SPATA18: variants seen among roughly 807,000 people sequenced by gnomAD.
The protein encoded by SPATA18 is mitochondria-eating protein.
A neutral mutation model predicts 68.1 loss-of-function variants in SPATA18; 54 were observed. The observed-to-expected ratio is 0.79, with a 90% confidence interval of 0.64 to 0.99. The LOEUF (loss-of-function observed/expected upper bound fraction) is 0.99. Ranked by LOEUF, SPATA18 falls within the 50% of genes least tolerant of loss-of-function variation. The probability of loss-of-function intolerance (pLI) is 0.00; values close to 1 mark genes in which losing one functional copy is unlikely to be tolerated. For synonymous variants in SPATA18, 242 were observed against 244.8 expected (o/e 0.99, Z 0.11); for missense variants, 724 against 681.1 (o/e 1.06, Z -0.70).
chr4:52,058,028 G>T (rs1472387775), intron 1 of SPATA18, among the ~76,000 whole-genome samples: 1 of 152,238 alleles, frequency 6.6e-6, no homozygotes, highest in African/African-American at 2.4e-5. Flanking sequence ...GATCTAGCCA[G>T]AGGGCAAAAG....
At position 52,094,591 on chromosome 4, in the gene SPATA18, G is replaced by T; in HGVS notation, c.1609+19G>T. The T allele has an allele frequency of 1.2e-6, 2 of 1,612,948 alleles. No homozygotes were observed. Among genetic ancestry groups the T allele is most frequent in the Non-Finnish European group, 1.7e-6 (2 of 1,179,152 alleles). On this transcript the variant is annotated intron_variant, in intron 12 of 12. Coordinates refer to ENST00000295213, the MANE Select transcript of SPATA18 (RefSeq NM_145263.4). Reference sequence around the variant, plus strand: ...TTGCCAAGTAAGTGGGATTAGTTCAGATGGATCAAATTTTCTGCTTTTTAA... The same window carrying T: ...TTGCCAAGTAAGTGGGATTAGTTCATATGGATCAAATTTTCTGCTTTTTAA...
intron 5 of SPATA18, among the ~76,000 whole-genome samples, chr4:52,070,220 A>G (rs1408201863): frequency 6.6e-6 from 1 of 152,054 alleles, no homozygotes; most frequent in Non-Finnish European, 1.5e-5. Flanking sequence ...ACAGAATAAA[A>G]TGTATAAGTA....
In SPATA18 at chr4:52,058,094, G is replaced by A. The variant is rs533680847; in HGVS notation, c.88-2325G>A. Among the ~76,000 whole-genome samples the A allele has an allele frequency of 4.6e-5, 7 of 152,310 alleles. No individual in the cohort carries two copies. The South Asian group carries it at 8.3e-4, about 18-fold the overall frequency. ...AATAAGTGCAGGTATAAAATGGCCA[G>A]GGCAAGGAGCTGCTGAATTAACGAG... On this transcript the variant is annotated intron_variant, in intron 1 of 12. Coordinates refer to ENST00000295213, the MANE Select transcript of SPATA18 (RefSeq NM_145263.4).
intron 11 of SPATA18, among the ~76,000 whole-genome samples, chr4:52,085,872 A>G (rs1321298888): frequency 4.6e-5 from 7 of 152,096 alleles, no homozygotes; most frequent in Admixed American, 4.6e-4. Flanking sequence ...ATTGTACCAC[A>G]CTGCACTCTA....
rs984062052 is a variant in SPATA18, at chr4:52,095,713, C to T, written c.*826C>T. ...ATATATAAAAGTTTCTTGGGACATG[C>T]TCTTCACCTGTTCTACCTAGTTATT... On this transcript the variant is annotated 3_prime_UTR_variant, in exon 13 of 13. Transcript: ENST00000295213. 3.3e-5 allele frequency: 5 copies of T among 152,150 alleles called. No homozygotes were observed. The highest frequency in any genetic ancestry group is 3.3e-4 in the Admixed American group (5 of 15,278). 9.4% of individuals were successfully genotyped at this position (152,150 alleles called of 1,614,324 possible). A position where few individuals can be genotyped will look rare whatever the true frequency, so the allele number is the denominator to read the frequency against.
intron 6 of SPATA18, 76 bp downstream of exon 6, chr4:52,072,232 T>G: frequency 6.5e-7 from 1 of 1,544,580 alleles, no homozygotes; most frequent in Non-Finnish European, 8.7e-7. Flanking sequence ...AGGAAATAAG[T>G]AAAATGATAA....
At chr4:52,082,893 G>A in intron 10 of SPATA18, 2 of 985,312 alleles carry the variant, frequency 2.0e-6, no homozygotes, top group South Asian at 9.4e-5. Context: ...AATTTTTACT[G>A]ACGATTTTCT....
intron 1 of SPATA18, among the ~76,000 whole-genome samples, chr4:52,054,920 A>G (rs1738209090): frequency 6.6e-6 from 1 of 151,844 alleles, no homozygotes; most frequent in South Asian, 2.1e-4. Flanking sequence ...CTTTATGTGT[A>G]GGGGTATGTG....
At chr4:52,076,755 T>A (rs771847824) in intron 6 of SPATA18, 24 bp from the exon 7 acceptor site, 1 of 1,607,980 alleles carries the variant, frequency 6.2e-7, no homozygotes, top group South Asian at 1.1e-5. Context: ...AGGATTTCCC[T>A]GGCTGATTCT....
Position 52,051,856 on chromosome 4 carries a change from G to T in SPATA18, c.87+65G>T, listed in dbSNP as rs1343625444. 3 of 1,464,720 alleles carry T rather than the reference G, an allele frequency of 2.0e-6. No individual in the cohort carries two copies. In the Admixed American group the frequency reaches 5.1e-5, roughly 25 times the overall value. The allele number at this position is 1,464,720 out of a possible 1,614,324, so 90.7% of individuals were successfully genotyped here. ...TAGGTTCCAGCACAGCCCTTGTCGG[G>T]GATTTCTTAGGGCTGGAGTTGGTGG... On this transcript the variant is annotated intron_variant, in intron 1 of 12. Coordinates refer to ENST00000295213, the MANE Select transcript of SPATA18 (RefSeq NM_145263.4).
chr4:52,054,266 TTCAGGGCATTTGCACTCAC>T (rs1472117817), intron 1 of SPATA18, among the ~76,000 whole-genome samples: 1 of 152,246 alleles, frequency 6.6e-6, no homozygotes, highest in Non-Finnish European at 1.5e-5. Flanking sequence ...ATGCTTCTGC[TTCAGGGCATTTGCACTCAC>T]TGTTTTCTCT....
intron 3 of SPATA18, among the ~76,000 whole-genome samples, chr4:52,061,703 A>G (rs1738871723): frequency 6.6e-6 from 1 of 152,028 alleles, no homozygotes; most frequent in South Asian, 2.1e-4. Context: ...TTGCTGATCT[A>G]AAAGGTTCAT....
Position 52,082,463 on chromosome 4 carries a change from G to T in SPATA18, c.1432G>T (p.Asp478Tyr), listed in dbSNP as rs1261364020. 1 of 1,614,118 alleles carries T rather than the reference G, an allele frequency of 6.2e-7. No individual in the cohort carries two copies. Among genetic ancestry groups the T allele is most frequent in the South Asian group, 1.1e-5 (1 of 91,076 alleles). The change falls in exon 10 of 13, where the codon GAC (aspartate) becomes TAC (tyrosine). Residue 478 changes from aspartate to tyrosine, a missense_variant. Asp to Tyr is a radical substitution (Grantham distance 160, BLOSUM62 -3). Transcript: ENST00000295213. ...CGTGTGGCCTGCTCTCATGGAGAAT[G>T]ACTGTGTCATTATGAAGGGAGAAGC... ...YHVWPALMENDCVIMKGEAVT... is the reference protein window; with the variant it reads ...YHVWPALMENYCVIMKGEAVT...
In SPATA18 at chr4:52,094,952, T is replaced by C. The variant is rs1742308727; in HGVS notation, c.*65T>C. 1 of 1,582,892 alleles carries C rather than the reference T, an allele frequency of 6.3e-7. No homozygotes were observed. The highest frequency in any genetic ancestry group is 1.3e-5 in the African/African-American group (1 of 74,316). On this transcript the variant is annotated 3_prime_UTR_variant, in exon 13 of 13. Transcript: ENST00000295213. ...AGCTGCTTTCTCCAGTGCCGCCATC[T>C]GTCTTCTGTGTCTGCCTCAGACCTC...
Position 52,085,012 on chromosome 4 carries a change from C to G in SPATA18, c.1563+13C>G, listed in dbSNP as rs374010462. 1 of 1,584,850 alleles carries G rather than the reference C, an allele frequency of 6.3e-7. No homozygotes were observed. The highest frequency in any genetic ancestry group is 1.4e-5 in the African/African-American group (1 of 73,156). ...TGGTTTAAACACGGTACATATCTATCTAATCATTTTTACACAAAATTCATC... is the reference window on the plus strand; with the variant it reads ...TGGTTTAAACACGGTACATATCTATGTAATCATTTTTACACAAAATTCATC... On this transcript the variant is annotated intron_variant, in intron 11 of 12. Transcript: ENST00000295213.
rs1313548762 is a variant in SPATA18, at chr4:52,060,844, T to G, written c.256T>G (p.Phe86Val). Residue 86 changes from phenylalanine to valine, a missense_variant, in exon 3 of 13, where the codon TTT (phenylalanine) becomes GTT (valine). Physicochemically the swap from Phe to Val is conservative, Grantham distance 50. Transcript: ENST00000295213. The stretch of plus-strand genomic sequence containing the variant: ...CCTTTTGCCTTGGCTGGAGGCTTCC[T>G]TTACTGCTGCTTCCCTGGGAAAATC... ...SRLLPWLEAS[F>V]TAASLGKSVD... The G allele has an allele frequency of 1.9e-6, 3 of 1,614,056 alleles. No homozygotes were observed. The highest frequency in any genetic ancestry group is 2.5e-6 in the Non-Finnish European group (3 of 1,179,976).
chr4:52,071,774 C>T (rs1739863630), intron 5 of SPATA18, 143 bp from the exon 6 acceptor site: 1 of 809,798 alleles, frequency 1.2e-6, no homozygotes, highest in South Asian at 1.8e-5. Flanking sequence ...GTATTTCCAT[C>T]AGAGTTTCCC....
At chr4:52,084,679 C>T (rs1259732041) in intron 10 of SPATA18, among the ~76,000 whole-genome samples, 1 of 152,166 alleles carries the variant, frequency 6.6e-6, no homozygotes, top group African/African-American at 2.4e-5. Context: ...CATCAAACAC[C>T]AGAATATCCC....
chr4:52,061,197 C>T (rs1439752413), intron 3 of SPATA18, among the ~76,000 whole-genome samples: 1 of 152,088 alleles, frequency 6.6e-6, no homozygotes, highest in African/African-American at 2.4e-5. Flanking sequence ...AAAACAGAAG[C>T]ATTTAGAAAG....
Sources: allele counts gnomAD v4.1 joint callset (sites outside exome capture counted in the v4.1 genomes callset), GRCh38; gene constraint gnomAD v4.1.1; transcripts MANE v1.5; gene names NCBI Gene and HGNC (gene_info 2026-07-23, HGNC 2026-07-21).